SLC1A2: variants seen among roughly 807,000 people sequenced by gnomAD.
The protein encoded by SLC1A2 is solute carrier family 1 member 2.
SLC1A2 carries 15 observed loss-of-function variants against 48.8 expected under a neutral mutation model. The ratio of observed to expected loss-of-function variants is 0.31; its 90% CI spans 0.21 to 0.47. SLC1A2 has a LOEUF of 0.47. SLC1A2 is among the 20% of genes least tolerant of loss of function. The pLI is 0.99. For missense variants in SLC1A2, 502 were observed against 730.5 expected, an observed-to-expected ratio of 0.69 and a Z score of 3.61; for synonymous variants, 279 against 272.6, an observed-to-expected ratio of 1.02 and a Z score of -0.23.
chr11:35,292,560 A>G, intron 6 of SLC1A2, 40 bp from the exon 7 acceptor site: 1 of 1,343,116 alleles, frequency 7.4e-7, no homozygotes, highest in Non-Finnish European at 1.1e-6. Context: ...TGAAGAGATC[A>G]TTAGGGATTC....
chr11:35,377,830 T>C (rs1854294146), intron 1 of SLC1A2, among the ~76,000 whole-genome samples: 1 of 152,260 alleles, frequency 6.6e-6, no homozygotes, highest in Non-Finnish European at 1.5e-5. Context: ...TGTTTTGTTT[T>C]CTCATTTTAC....
chr11:35,405,641 T>TA (rs1855266282), intron 1 of SLC1A2, among the ~76,000 whole-genome samples: 1 of 152,222 alleles, frequency 6.6e-6, no homozygotes, highest in African/African-American at 2.4e-5. Context: ...CATTGCATTT[T>TA]AAAAGAACTG....
chr11:35,396,889 CA>C (rs1319179974), intron 1 of SLC1A2, among the ~76,000 whole-genome samples: 2 of 151,786 alleles, frequency 1.3e-5, no homozygotes, highest in Admixed American at 1.3e-4. Flanking sequence ...CAACAACACA[CA>C]AACAGAGAGC....
chr11:35,343,610 G>A (rs572759374), intron 1 of SLC1A2, among the ~76,000 whole-genome samples: 19 of 151,984 alleles, frequency 1.3e-4, no homozygotes, highest in Non-Finnish European at 2.6e-4. Flanking sequence ...AATTCCTTCT[G>A]GCTCTGGTGT....
chr11:35,313,077 C>CTT (rs1329887177), intron 3 of SLC1A2, among the ~76,000 whole-genome samples: 1 of 152,176 alleles, frequency 6.6e-6, no homozygotes, highest in African/African-American at 2.4e-5. Flanking sequence ...TTCCTTTCCA[C>CTT]TTTTTATTTT....
chr11:35,261,772 C>T (rs902671346), intron 10 of SLC1A2: 4 of 398,276 alleles, frequency 1.0e-5, no homozygotes, highest in South Asian at 1.3e-4. Flanking sequence ...AATATGGAGA[C>T]GTGACAAACG....
At chr11:35,400,824 A>T (rs1855115774) in intron 1 of SLC1A2, among the ~76,000 whole-genome samples, 1 of 152,222 alleles carries the variant, frequency 6.6e-6, no homozygotes, top group Non-Finnish European at 1.5e-5. Flanking sequence ...AATACGAGTG[A>T]CTATGGCCCG....
intron 9 of SLC1A2, among the ~76,000 whole-genome samples, chr11:35,279,674 C>T (rs115993702): frequency 0.011 from 1,683 of 152,342 alleles, 34 homozygotes; most frequent in African/African-American, 0.038. Context: ...ATTTGTCAGG[C>T]TCCAGAGGCA....
intron 10 of SLC1A2, among the ~76,000 whole-genome samples, chr11:35,263,371 G>A (rs1375447553): frequency 1.3e-5 from 2 of 152,140 alleles, no homozygotes; most frequent in African/African-American, 4.8e-5. Flanking sequence ...GAGAGGCTGA[G>A]GCAGGAGAAT....
chr11:35,329,313 A>G (rs1296542452), intron 1 of SLC1A2, among the ~76,000 whole-genome samples: 2 of 152,198 alleles, frequency 1.3e-5, no homozygotes, highest in Non-Finnish European at 2.9e-5. Flanking sequence ...CATTTGTCCA[A>G]ACCCATGAAT....
In SLC1A2 at chr11:35,281,240, T is replaced by G. The variant is rs1455846258; in HGVS notation, c.1287-239A>C. Among the ~76,000 whole-genome samples, 4 of 152,218 alleles carry G rather than the reference T, an allele frequency of 2.6e-5. No homozygotes were observed. In the South Asian group the frequency reaches 8.3e-4, roughly 32 times the overall value. On this transcript the variant is annotated intron_variant, in intron 8 of 10. Transcript: ENST00000278379. ...CTTATAAATTCATGGACTGGAGCCT[T>G]ATTCCCATGATGCTATCCGGTTAGT...
At chr11:35,275,864 C>A (rs573799700) in intron 9 of SLC1A2, among the ~76,000 whole-genome samples, 1 of 152,098 alleles carries the variant, frequency 6.6e-6, no homozygotes, top group Non-Finnish European at 1.5e-5. Flanking sequence ...CTCATCTTAG[C>A]CCCCACCACC....
In SLC1A2 at chr11:35,311,897, G is replaced by GGAGAGAGAGAGA. The variant is rs1213084635; in HGVS notation, c.561+289_561+300dup. Among the ~76,000 whole-genome samples, 63 of 25,728 alleles carry GGAGAGAGAGAGA rather than the reference G, an allele frequency of 2.4e-3. 5 individuals are homozygous for GGAGAGAGAGAGA. Among genetic ancestry groups the GGAGAGAGAGAGA allele is most frequent in the Admixed American group, 3.9e-3 (5 of 1,266 alleles). The allele number at this position is 25,728 out of a possible 152,430, so 16.9% of individuals were successfully genotyped here. On this transcript the variant is annotated intron_variant, in intron 4 of 10. Transcript: ENST00000278379. Reference sequence around the variant, plus strand: ...GAGAGAGAGAGAGAGAGAGAGGGAGGGAGAGAGAGAGAGAGAGAGAGAGAG... The same window carrying GGAGAGAGAGAGA: ...GAGAGAGAGAGAGAGAGAGAGGGAGGGAGAGAGAGAGAGAGAGAGAGAGAGAGAGAGAGAGAG...
At chr11:35,365,971 T>G (rs985109861) in intron 1 of SLC1A2, among the ~76,000 whole-genome samples, 4 of 152,210 alleles carry the variant, frequency 2.6e-5, no homozygotes, top group African/African-American at 9.7e-5. Flanking sequence ...ACAGGAATGC[T>G]GCTAAACATG....
rs1013040015 is a variant in SLC1A2 at position 35,417,083 on chromosome 11, T to C, written c.17+1867A>G. 2.6e-5 allele frequency among the ~76,000 whole-genome samples: 4 copies of C among 152,254 alleles called. 1 individual carries two copies. The highest frequency in any genetic ancestry group is 4.4e-5 in the Non-Finnish European group (3 of 68,048). On this transcript the variant is annotated intron_variant, in intron 1 of 10. Transcript: ENST00000278379. ...ACTGCTGTTAAATAATAATGGGTCA[T>C]AGATCCTATATTTGTTTCCCAGCCG...
intron 1 of SLC1A2, among the ~76,000 whole-genome samples, chr11:35,405,142 A>C (rs1312959555): frequency 6.6e-6 from 1 of 152,224 alleles, no homozygotes; most frequent in South Asian, 2.1e-4. Flanking sequence ...GATGCAATAA[A>C]TATCTCCCAA....
chr11:35,413,267 G>A (rs1363485005), intron 1 of SLC1A2, among the ~76,000 whole-genome samples: 1 of 152,178 alleles, frequency 6.6e-6, no homozygotes. Context: ...TAAGAGGTAT[G>A]GCCTAGTAAC....
chr11:35,268,117 ATGTC>A (rs2134624544), intron 9 of SLC1A2, among the ~76,000 whole-genome samples: 1 of 152,328 alleles, frequency 6.6e-6, no homozygotes, highest in African/African-American at 2.4e-5. Context: ...TCTTCTGGGC[ATGTC>A]TTTAACCTTG....
At chr11:35,375,180 T>C (rs1457415474) in intron 1 of SLC1A2, among the ~76,000 whole-genome samples, 1 of 152,194 alleles carries the variant, frequency 6.6e-6, no homozygotes, top group African/African-American at 2.4e-5. Context: ...AATAATAAAG[T>C]AGTGCCCTGC....
Sources: gnomAD v4.1 joint callset for allele counts (sites outside exome capture counted in the v4.1 genomes callset) on GRCh38, gnomAD v4.1.1 for gene constraint, MANE v1.5 for transcripts, NCBI Gene and HGNC (gene_info 2026-07-23, HGNC 2026-07-21) for gene names.